The following CDH4 variants were observed in gnomAD, a reference collection of about 807,000 sequenced individuals.
CDH4 encodes the protein cadherin 4, also known as cadherin-4.
CDH4 carries 33 observed loss-of-function variants against 86.0 expected under a neutral mutation model. The observed-to-expected ratio is 0.38, with a 90% CI of 0.29 to 0.51. CDH4 has a LOEUF of 0.51. Among genes scored for constraint, CDH4 ranks in the 20% least tolerant of loss-of-function variants. The pLI is 0.86. For missense variants in CDH4, 1,114 were observed against 1,307.4 expected (o/e 0.85, Z 2.28); for synonymous variants, 555 against 549.4 (o/e 1.01, Z -0.14).
chr20:61,435,548 AG>A (rs2085276268), intron 2 of CDH4: 1 of 152,534 alleles, frequency 6.6e-6, no homozygotes, highest in South Asian at 2.1e-4. Context: ...AGGGAGTGCA[AG>A]GGGACAGTGA....
intron 2 of CDH4, among the ~76,000 whole-genome samples, chr20:61,418,800 A>G (rs2085161295): frequency 6.6e-6 from 1 of 152,102 alleles, no homozygotes; most frequent in African/African-American, 2.4e-5. Context: ...TGAGCCCAGG[A>G]TGTCCAGGCT....
At chr20:61,633,529 T>TCCATCAATGTATCCAC in intron 2 of CDH4, among the ~76,000 whole-genome samples, 1 of 152,292 alleles carries the variant, frequency 6.6e-6, no homozygotes, top group Non-Finnish European at 1.5e-5. Flanking sequence ...TGTCCATCTA[T>TCCATCAATGTATCCAC]CCATCAATGT....
At chr20:61,461,090 T>C (rs556158377) in intron 2 of CDH4, among the ~76,000 whole-genome samples, 15 of 152,278 alleles carry the variant, frequency 9.9e-5, no homozygotes, top group Admixed American at 9.8e-4. Flanking sequence ...GTAGAAACAC[T>C]GATCTAAATT....
intron 4 of CDH4, among the ~76,000 whole-genome samples, chr20:61,794,005 T>C (rs1313327127): frequency 6.7e-6 from 1 of 148,240 alleles, no homozygotes; most frequent in Non-Finnish European, 1.5e-5. Context: ...TAGCTGGGCG[T>C]GGTGGCGGGC....
intron 2 of CDH4, among the ~76,000 whole-genome samples, chr20:61,456,841 A>G (rs2085409411): frequency 6.6e-6 from 1 of 152,230 alleles, no homozygotes; most frequent in African/African-American, 2.4e-5. Flanking sequence ...CAGCTGTTCT[A>G]TAAATGCAGC....
At chr20:61,633,622 T>C (rs1192909172) in intron 2 of CDH4, among the ~76,000 whole-genome samples, 1 of 152,214 alleles carries the variant, frequency 6.6e-6, no homozygotes, top group African/African-American at 2.4e-5. Flanking sequence ...CCATCTATCA[T>C]GGTGGTAAAA....
intron 3 of CDH4, among the ~76,000 whole-genome samples, chr20:61,755,505 C>T (rs1331260971): frequency 1.3e-5 from 2 of 150,184 alleles, no homozygotes; most frequent in Non-Finnish European, 3.0e-5. Flanking sequence ...ACCACACACA[C>T]ACATGCCCCA....
At chr20:61,396,449 G>A (rs747992006) in intron 2 of CDH4, among the ~76,000 whole-genome samples, 3 of 152,304 alleles carry the variant, frequency 2.0e-5, no homozygotes, top group African/African-American at 4.8e-5. Flanking sequence ...GGCAGCGTCC[G>A]GTGTTTCTCA....
At chr20:61,934,959 A>G (rs1255139899) in intron 15 of CDH4, among the ~76,000 whole-genome samples, 1 of 152,216 alleles carries the variant, frequency 6.6e-6, no homozygotes, top group Non-Finnish European at 1.5e-5. Context: ...TCCACTTCCA[A>G]CGCGCAGCTC....
At chr20:61,604,919 AC>A (rs869236717) in intron 2 of CDH4, among the ~76,000 whole-genome samples, 2 of 84,164 alleles carry the variant, frequency 2.4e-5, no homozygotes, top group Non-Finnish European at 6.1e-5. Context: ...GCCTGGAAGG[AC>A]AGGTTCCTGC....
intron 10 of CDH4, 138 bp from the exon 11 acceptor site, chr20:61,924,196 C>G: frequency 1.2e-6 from 1 of 856,402 alleles, no homozygotes; most frequent in Non-Finnish European, 1.8e-6. Context: ...TAGAGGAGGA[C>G]AAGGCCTGGG....
intron 2 of CDH4, among the ~76,000 whole-genome samples, chr20:61,609,385 G>A (rs114652317): frequency 0.017 from 2,526 of 152,312 alleles, 75 homozygotes; most frequent in African/African-American, 0.057. Context: ...CACTGGCCTC[G>A]TGCAATGCAG....
chr20:61,535,055 T>C (rs530786317), intron 2 of CDH4, among the ~76,000 whole-genome samples: 2 of 152,350 alleles, frequency 1.3e-5, no homozygotes, highest in East Asian at 1.9e-4. Context: ...TGCAGACTCA[T>C]GTGGAGGTTC....
chr20:61,599,188 T>C (rs2086579337), intron 2 of CDH4, among the ~76,000 whole-genome samples: 1 of 152,148 alleles, frequency 6.6e-6, no homozygotes, highest in Non-Finnish European at 1.5e-5. Context: ...TTCGTTTCCA[T>C]GTCCTGCTGA....
intron 2 of CDH4, among the ~76,000 whole-genome samples, chr20:61,615,910 G>A (rs564948939): frequency 5.9e-5 from 9 of 152,116 alleles, no homozygotes; most frequent in East Asian, 1.9e-4. Context: ...GGTCAGCCTC[G>A]CTGCTGGCTG....
intron 6 of CDH4, among the ~76,000 whole-genome samples, chr20:61,864,531 C>T (rs143730839): frequency 1.2e-3 from 176 of 152,296 alleles, no homozygotes; most frequent in African/African-American, 4.2e-3. Flanking sequence ...ACAGAGACCA[C>T]GTCTGCTGAT....
intron 2 of CDH4, among the ~76,000 whole-genome samples, chr20:61,447,306 G>A (rs188051089): frequency 1.3e-5 from 2 of 148,532 alleles, no homozygotes; most frequent in Admixed American, 6.7e-5. Context: ...ACAGGCATGC[G>A]CCACCACGCC....
intron 2 of CDH4, among the ~76,000 whole-genome samples, chr20:61,571,433 C>T (rs560830052): frequency 7.2e-4 from 109 of 152,260 alleles, no homozygotes; most frequent in Middle Eastern, 3.4e-3. Context: ...GGTTTCCAGG[C>T]GCCATGGCAG....
intron 2 of CDH4, among the ~76,000 whole-genome samples, chr20:61,737,986 G>A (rs943550891): frequency 1.3e-5 from 2 of 152,206 alleles, no homozygotes; most frequent in Non-Finnish European, 2.9e-5. Flanking sequence ...GCCCCACAGC[G>A]CATGCAGCGG....
Sources: gnomAD v4.1 joint callset for allele counts (sites outside exome capture counted in the v4.1 genomes callset) on GRCh38, gnomAD v4.1.1 for gene constraint, MANE v1.5 for transcripts, NCBI Gene and HGNC (gene_info 2026-07-23, HGNC 2026-07-21) for gene names.